Variants in RYR2 observed in about 807,000 individuals in gnomAD.
RYR2 encodes ryanodine receptor 2.
A neutral mutation model predicts 601.1 loss-of-function variants in RYR2; 227 were observed. The observed-to-expected ratio is 0.38, with a 90% CI of 0.34 to 0.42. The LOEUF is 0.42. Among genes scored for constraint, RYR2 ranks in the 10% least tolerant of loss-of-function variants. The probability of loss-of-function intolerance (pLI) is 1.00; values close to 1 mark genes in which losing one functional copy is unlikely to be tolerated. For missense variants in RYR2, 4,646 were observed against 6,156.5 expected, an observed-to-expected ratio of 0.75 and a Z score of 8.21; for synonymous variants, 2,223 against 2,175.1, an observed-to-expected ratio of 1.02 and a Z score of -0.61.
intron 11 of RYR2, among the ~76,000 whole-genome samples, chr1:237,419,311 A>AG (rs1177126219): frequency 6.6e-6 from 1 of 151,970 alleles, no homozygotes; most frequent in Non-Finnish European, 1.5e-5. Flanking sequence ...TAAAAAAAAA[A>AG]CATGAAAGCT....
chr1:237,594,901 T>TGTTTTTTTG, intron 33 of RYR2, among the ~76,000 whole-genome samples: 1 of 20,270 alleles, frequency 4.9e-5, no homozygotes, highest in African/African-American at 9.1e-5. Flanking sequence ...TTTTTTTTTT[T>TGTTTTTTTG]TTTTTTTTTT....
intron 60 of RYR2, among the ~76,000 whole-genome samples, chr1:237,676,369 G>T (rs1442234977): frequency 6.6e-6 from 1 of 152,138 alleles, no homozygotes; most frequent in Non-Finnish European, 1.5e-5. Flanking sequence ...TGGGGGTGGG[G>T]AGAATCTTGC....
intron 100 of RYR2, among the ~76,000 whole-genome samples, chr1:237,817,189 C>T (rs1263846137): frequency 3.3e-5 from 5 of 152,136 alleles, no homozygotes; most frequent in African/African-American, 9.7e-5. Flanking sequence ...GCTGATAAAA[C>T]GTTTCCAAAT....
chr1:237,798,072 C>T lies in RYR2; in HGVS notation c.13992C>T (p.Asp4664=). 6.2e-7 allele frequency: 1 copy of T among 1,611,562 alleles called. No individual in the cohort carries two copies. Among genetic ancestry groups the T allele is most frequent in the Non-Finnish European group, 8.5e-7 (1 of 1,178,718 alleles). ...MDKYGEFYGR[D]RISELLGMDK... ...AATATGGAGAGTTCTACGGCCGAGA[C>T]AGAATCAGTGAATTACTTGGCATGG... Residue 4664 remains aspartate (D), a synonymous_variant, in exon 97 of 105, where the codon GAC becomes GAT. Transcript: ENST00000366574.
At chr1:237,188,657 C>G (rs1356473960) in intron 1 of RYR2, among the ~76,000 whole-genome samples, 1 of 152,054 alleles carries the variant, frequency 6.6e-6, no homozygotes, top group Non-Finnish European at 1.5e-5. Flanking sequence ...CCTCTACCTC[C>G]CAGGTTCAAG....
intron 84 of RYR2, 41 bp from the exon 85 acceptor site, chr1:237,770,765 TG>T: frequency 7.8e-7 from 1 of 1,281,154 alleles, no homozygotes; most frequent in Non-Finnish European, 1.1e-6. Flanking sequence ...AGCGGCAGGC[TG>T]GGGTGGCTGG....
At chr1:237,107,538 G>GAAAAAAAAAAAAAA (rs1218167557) in intron 1 of RYR2, among the ~76,000 whole-genome samples, 15 of 56,792 alleles carry the variant, frequency 2.6e-4, no homozygotes, top group African/African-American at 2.7e-4. Context: ...AAAAAAAAAG[G>GAAAAAAAAAAAAAA]AAACATTGTA....
At chr1:237,320,071 G>C (rs1416113541) in intron 2 of RYR2, among the ~76,000 whole-genome samples, 1 of 152,172 alleles carries the variant, frequency 6.6e-6, no homozygotes, top group African/African-American at 2.4e-5. Context: ...CAGATTTACT[G>C]TTCTTACCCA....
At chr1:237,455,144 G>T (rs1286811900) in intron 15 of RYR2, among the ~76,000 whole-genome samples, 1 of 152,034 alleles carries the variant, frequency 6.6e-6, no homozygotes, top group Non-Finnish European at 1.5e-5. Context: ...CTGCTAAAAA[G>T]AACTCAAGTG....
At position 237,806,154 on chromosome 1, in the gene RYR2, C is replaced by T. The variant is rs1222318801; in HGVS notation, c.14169C>T (p.Ala4723=). Residue 4723 remains alanine (A), a synonymous_variant, in exon 99 of 105, where the codon GCC becomes GCT. Transcript: ENST00000366574. ...VFTDNSFLYL[A]WYMTMSVLGH... Reference sequence around the variant, plus strand: ...CTTAATAGTCCTTCCTCTACCTAGCCTGGTATATGACTATGTCTGTTCTTG... The same window carrying T: ...CTTAATAGTCCTTCCTCTACCTAGCTTGGTATATGACTATGTCTGTTCTTG... 3.1e-6 allele frequency: 5 copies of T among 1,613,652 alleles called. No homozygotes were observed. Among genetic ancestry groups the T allele is most frequent in the Non-Finnish European group, 3.4e-6 (4 of 1,179,650 alleles).
intron 1 of RYR2, among the ~76,000 whole-genome samples, chr1:237,100,560 A>G (rs1572631883): frequency 6.6e-6 from 1 of 151,718 alleles, no homozygotes; most frequent in African/African-American, 2.4e-5. Context: ...CTATTTCTGT[A>G]TTTTTAGCAG....
rs375553387 is a variant in RYR2, at chr1:237,643,434, A to G, written c.7329A>G (p.Pro2443=). The G allele has an allele frequency of 3.7e-6, 6 of 1,613,916 alleles. No homozygotes were observed. In the African/African-American group the frequency reaches 8.0e-5, roughly 22 times the overall value. ...VGVISIAFQM[P]TIAKDGNVVE... is the part of the protein sequence containing the mutation. ...TTATCAGCATCGCTTTTCAGATGCC[A>G]ACAATAGCCAAAGGTAAGGCCAACT... is the stretch of plus-strand genomic sequence containing the variant. The change falls in exon 48 of 105, where the codon CCA becomes CCG. Residue 2443 remains proline, a synonymous_variant. Coordinates refer to ENST00000366574, the MANE Select transcript of RYR2 (RefSeq NM_001035.3).
chr1:237,280,103 G>A (rs963486141), intron 2 of RYR2, among the ~76,000 whole-genome samples: 1 of 151,916 alleles, frequency 6.6e-6, no homozygotes, highest in African/African-American at 2.4e-5. Context: ...CTTTATATTC[G>A]GTGACTTCTC....
chr1:237,694,477 A>C (rs1049946437), intron 63 of RYR2, among the ~76,000 whole-genome samples: 1 of 152,152 alleles, frequency 6.6e-6, no homozygotes, highest in African/African-American at 2.4e-5. Context: ...CTCTAATTTA[A>C]AAATTCTGTA....
chr1:237,716,964 C>T lies in RYR2; in HGVS notation c.10324-234C>T, dbSNP rs542219352. On this transcript the variant is annotated intron_variant, in intron 71 of 104. Transcript: ENST00000366574. ...ATTTTCATTTGTCTTCTAAAAATTA[C>T]GTGGGAATGCATACCAGTGAATTAT... is the stretch of plus-strand genomic sequence containing the variant. Among the ~76,000 whole-genome samples, 36 of 152,060 alleles carry T rather than the reference C, an allele frequency of 2.4e-4. No homozygotes were observed. In the South Asian group the frequency reaches 4.2e-3, roughly 18 times the overall value.
chr1:237,073,983 C>T (rs1239553251), intron 1 of RYR2, among the ~76,000 whole-genome samples: 4 of 150,946 alleles, frequency 2.6e-5, no homozygotes, highest in East Asian at 1.9e-4. Context: ...TCCTTTTCGT[C>T]GTATTTTTTT....
intron 1 of RYR2, among the ~76,000 whole-genome samples, chr1:237,100,108 C>T (rs931892050): frequency 2.0e-5 from 3 of 152,008 alleles, no homozygotes; most frequent in African/African-American, 7.3e-5. Flanking sequence ...TTTCTTAGGT[C>T]TCTATTGGGA....
chr1:237,831,075 C>T (rs575028441), intron 103 of RYR2, among the ~76,000 whole-genome samples: 2 of 152,168 alleles, frequency 1.3e-5, no homozygotes, highest in African/African-American at 2.4e-5. Context: ...TTCCATTACT[C>T]GAGATTAGCC....
intron 14 of RYR2, among the ~76,000 whole-genome samples, chr1:237,453,763 A>C (rs1363766892): frequency 6.6e-6 from 1 of 152,190 alleles, no homozygotes; most frequent in Non-Finnish European, 1.5e-5. Flanking sequence ...CAGTAAGCTC[A>C]ACAAATGAAC....
Sources: gnomAD v4.1 joint callset for allele counts (sites outside exome capture counted in the v4.1 genomes callset) on GRCh38, gnomAD v4.1.1 for gene constraint, MANE v1.5 for transcripts, NCBI Gene and HGNC (gene_info 2026-07-23, HGNC 2026-07-21) for gene names.